CACHD1: variants seen among roughly 807,000 people sequenced by gnomAD.
The protein encoded by CACHD1 is cache domain containing 1.
CACHD1 carries 71 observed loss-of-function variants against 138.7 expected under a neutral mutation model. The ratio of observed to expected loss-of-function variants is 0.51; its 90% CI spans 0.42 to 0.62. CACHD1 has a LOEUF of 0.62. CACHD1 is among the 20% of genes least tolerant of loss of function. The probability of loss-of-function intolerance (pLI) is 0.00; values close to 1 mark genes in which losing one functional copy is unlikely to be tolerated. For missense variants in CACHD1, 1,389 were observed against 1,625.3 expected, an observed-to-expected ratio of 0.85 and a Z score of 2.50; for synonymous variants, 578 against 591.5, an observed-to-expected ratio of 0.98 and a Z score of 0.33.
intron 2 of CACHD1, among the ~76,000 whole-genome samples, chr1:64,580,316 A>G (rs1478657273): frequency 6.6e-6 from 1 of 152,198 alleles, no homozygotes; most frequent in African/African-American, 2.4e-5. Context: ...TGAATTACAA[A>G]TTGGGATAAT....
chr1:64,491,273 TA>T (rs1646273260), intron 1 of CACHD1, among the ~76,000 whole-genome samples: 1 of 151,572 alleles, frequency 6.6e-6, no homozygotes, highest in South Asian at 2.1e-4. Flanking sequence ...TTTTTTTTTT[TA>T]AAGAAATGAT....
chr1:64,681,853 C>T (rs779527131), intron 25 of CACHD1, 152 bp from the exon 26 acceptor site: 40 of 666,298 alleles, frequency 6.0e-5, no homozygotes, highest in Non-Finnish European at 1.0e-4. Flanking sequence ...AAATCAGCAC[C>T]CCAATCCCCA....
chr1:64,477,630 T>TTTTA (rs1183225410), intron 1 of CACHD1, among the ~76,000 whole-genome samples: 2 of 124,116 alleles, frequency 1.6e-5, no homozygotes, highest in Admixed American at 7.7e-5. Context: ...TATTATTTTA[T>TTTTA]TTTATTTTTT....
intron 16 of CACHD1, among the ~76,000 whole-genome samples, chr1:64,668,084 A>G (rs1196207128): frequency 6.6e-6 from 1 of 151,932 alleles, no homozygotes; most frequent in East Asian, 1.9e-4. Context: ...ATCCCAGCAC[A>G]TTGGGAGGCC....
chr1:64,610,176 G>A (rs1018920924), intron 4 of CACHD1, among the ~76,000 whole-genome samples: 1 of 152,182 alleles, frequency 6.6e-6, no homozygotes, highest in Non-Finnish European at 1.5e-5. Flanking sequence ...GACACATGGG[G>A]ATTATGGAAA....
chr1:64,480,262 A>G (rs1646200454), intron 1 of CACHD1, among the ~76,000 whole-genome samples: 1 of 152,188 alleles, frequency 6.6e-6, no homozygotes, highest in Admixed American at 6.5e-5. Flanking sequence ...CCCAGCGAGG[A>G]AGTGGCTCTC....
intron 4 of CACHD1, among the ~76,000 whole-genome samples, chr1:64,606,106 A>AACACACACACACACACAC (rs112089755): frequency 0.069 from 10,234 of 148,832 alleles, 402 homozygotes; most frequent in Admixed American, 0.16. Context: ...AGGAGCTGTA[A>AACACACACACACACACAC]ACACACACAC....
intron 16 of CACHD1, 114 bp from the exon 17 acceptor site, chr1:64,671,450 G>A (rs1467160207): frequency 6.4e-6 from 7 of 1,100,470 alleles, no homozygotes; most frequent in Non-Finnish European, 9.5e-6. Flanking sequence ...GGAAAAGTAG[G>A]GAGGAACAGT....
chr1:64,508,115 AG>A (rs1031222954), intron 1 of CACHD1, among the ~76,000 whole-genome samples: 3 of 152,154 alleles, frequency 2.0e-5, no homozygotes, highest in African/African-American at 7.2e-5. Flanking sequence ...AAGAGAGAGA[AG>A]GGGGAGGTGC....
chr1:64,667,585 A>G (rs552759409), intron 16 of CACHD1, among the ~76,000 whole-genome samples: 15 of 152,292 alleles, frequency 9.8e-5, no homozygotes, highest in African/African-American at 3.1e-4. Context: ...TGTGAAGCAC[A>G]CTCCTACTGA....
At chr1:64,672,284 A>T (rs908906999) in intron 17 of CACHD1, among the ~76,000 whole-genome samples, 1 of 152,188 alleles carries the variant, frequency 6.6e-6, no homozygotes, top group Non-Finnish European at 1.5e-5. Flanking sequence ...TGGCAAACTG[A>T]TATCACTAAT....
chr1:64,495,809 CAA>C (rs1233249451), intron 1 of CACHD1, among the ~76,000 whole-genome samples: 1 of 151,368 alleles, frequency 6.6e-6, no homozygotes, highest in Non-Finnish European at 1.5e-5. Flanking sequence ...TCTTTTTCTT[CAA>C]GTTATGGCTG....
chr1:64,580,151 G>A (rs1180114795), intron 2 of CACHD1, among the ~76,000 whole-genome samples: 2 of 152,110 alleles, frequency 1.3e-5, no homozygotes, highest in African/African-American at 4.8e-5. Flanking sequence ...TCTAGGCCAC[G>A]TGTGATGGCC....
intron 1 of CACHD1, among the ~76,000 whole-genome samples, chr1:64,480,726 A>G (rs532647348): frequency 2.0e-5 from 3 of 151,580 alleles, no homozygotes; most frequent in Non-Finnish European, 4.4e-5. Context: ...ACTTTAGAGG[A>G]GGAATGACTT....
At chr1:64,486,350 GCACA>G (rs549032174) in intron 1 of CACHD1, among the ~76,000 whole-genome samples, 4 of 123,286 alleles carry the variant, frequency 3.2e-5, no homozygotes, top group African/African-American at 1.2e-4. Flanking sequence ...GAGAGCGCGC[GCACA>G]CACACACACA....
At chr1:64,594,574 A>C (rs912345119) in intron 3 of CACHD1, among the ~76,000 whole-genome samples, 1 of 152,206 alleles carries the variant, frequency 6.6e-6, no homozygotes, top group Non-Finnish European at 1.5e-5. Context: ...CCCTTATAGC[A>C]GAAAGCGCCT....
intron 4 of CACHD1, among the ~76,000 whole-genome samples, chr1:64,623,301 C>T (rs1224729023): frequency 6.6e-6 from 1 of 151,846 alleles, no homozygotes; most frequent in Non-Finnish European, 1.5e-5. Flanking sequence ...ACTCTGAAGG[C>T]TGAGGTGGGA....
intron 16 of CACHD1, among the ~76,000 whole-genome samples, chr1:64,671,361 T>TATATATATATATATATAATATAAA (rs1649810015): frequency 6.6e-6 from 1 of 152,142 alleles, no homozygotes; most frequent in Admixed American, 6.5e-5. Context: ...CAGTCCTACA[T>TATATATATATATATATAATATAAA]TAAGTCTTAA....
At chr1:64,664,396 C>T (rs1192058982) in intron 14 of CACHD1, 102 bp from the exon 15 acceptor site, 7 of 1,134,366 alleles carry the variant, frequency 6.2e-6, no homozygotes, top group Middle Eastern at 2.5e-4. Context: ...AGTAATTCGG[C>T]TTGGCTTCTC....
Sources: allele counts gnomAD v4.1 joint callset (sites outside exome capture counted in the v4.1 genomes callset), GRCh38; gene constraint gnomAD v4.1.1; transcripts MANE v1.5; gene names NCBI Gene and HGNC (gene_info 2026-07-23, HGNC 2026-07-21).